The following CTNNBL1 variants were observed in gnomAD, a reference collection of about 807,000 sequenced individuals.
CTNNBL1 encodes the protein catenin beta like 1.
In CTNNBL1, 31 loss-of-function variants were observed where a neutral mutation model predicts 72.7. The observed-to-expected ratio is 0.43, with a 90% confidence interval of 0.32 to 0.58. The LOEUF is 0.58. Among genes scored for constraint, CTNNBL1 ranks in the 20% least tolerant of loss-of-function variants. The pLI, the probability that CTNNBL1 is intolerant of heterozygous loss-of-function variation, is 0.08. For synonymous variants in CTNNBL1, 240 were observed against 267.3 expected (o/e 0.90, Z 1.00); for missense variants, 534 against 725.1 (o/e 0.74, Z 3.03).
chr20:37,804,978 C>T (rs1332477910), intron 11 of CTNNBL1, among the ~76,000 whole-genome samples: 3 of 152,196 alleles, frequency 2.0e-5, no homozygotes, highest in South Asian at 2.1e-4. Flanking sequence ...GCATCCTGAG[C>T]GGACCAGTAC....
At chr20:37,772,718 G>A (rs1746237448) in intron 7 of CTNNBL1, among the ~76,000 whole-genome samples, 1 of 152,174 alleles carries the variant, frequency 6.6e-6, no homozygotes, top group African/African-American at 2.4e-5. Flanking sequence ...AGGTTCTAGA[G>A]TAATTATGTC....
intron 4 of CTNNBL1, among the ~76,000 whole-genome samples, 167 bp from the exon 5 acceptor site, chr20:37,757,392 G>A (rs1171640103): frequency 6.6e-6 from 1 of 152,206 alleles, no homozygotes; most frequent in Non-Finnish European, 1.5e-5. Context: ...AACATTTAAT[G>A]AACACCTGCT....
chr20:37,842,555 G>A (rs2122818320), intron 13 of CTNNBL1, 136 bp downstream of exon 13: 4 of 669,766 alleles, frequency 6.0e-6, no homozygotes, highest in Non-Finnish European at 8.2e-6. Context: ...AGCAGATGAT[G>A]GTCTGCCAAG....
chr20:37,784,090 C>A (rs187227391), intron 10 of CTNNBL1, among the ~76,000 whole-genome samples: 1 of 152,080 alleles, frequency 6.6e-6, no homozygotes, highest in Non-Finnish European at 1.5e-5. Context: ...GTCCCTTTAC[C>A]GTTATGTAAT....
rs188208768 is a variant in CTNNBL1 at position 37,814,747 on chromosome 20, C to T, written c.1213+11699C>T. 8.3e-4 allele frequency among the ~76,000 whole-genome samples: 127 copies of T among 152,110 alleles called. 1 individual carries two copies. The highest frequency in any genetic ancestry group is 5.9e-3 in the Admixed American group (90 of 15,270). ...AAAGACAATAATGAAAGAAAAAAAA[C>T]GGAGTAGGGGCTCTGGATTCTGTTG... is the stretch of plus-strand genomic sequence containing the variant. On this transcript the variant is annotated intron_variant, in intron 11 of 15. Coordinates refer to ENST00000361383, the MANE Select transcript of CTNNBL1 (RefSeq NM_030877.5).
chr20:37,753,579 G>A (rs2073338272), intron 4 of CTNNBL1, among the ~76,000 whole-genome samples: 1 of 152,164 alleles, frequency 6.6e-6, no homozygotes, highest in African/African-American at 2.4e-5. Flanking sequence ...ATTGTGACCC[G>A]GAAAGGGGGG....
chr20:37,778,952 A>G (rs922187636), intron 9 of CTNNBL1, among the ~76,000 whole-genome samples: 2 of 151,002 alleles, frequency 1.3e-5, no homozygotes, highest in Non-Finnish European at 2.9e-5. Context: ...GGAACTGTCA[A>G]TTACTGATGG....
At chr20:37,822,037 T>G (rs1161865667) in intron 11 of CTNNBL1, among the ~76,000 whole-genome samples, 5 of 152,160 alleles carry the variant, frequency 3.3e-5, no homozygotes. Flanking sequence ...AATAGACAGT[T>G]GGGGAAACTA....
At chr20:37,757,468 A>G in intron 4 of CTNNBL1, 91 bp from the exon 5 acceptor site, 1 of 817,720 alleles carries the variant, frequency 1.2e-6, no homozygotes, top group Non-Finnish European at 2.0e-6. Flanking sequence ...ATGGTGATAA[A>G]GCAATTGATG....
intron 3 of CTNNBL1, among the ~76,000 whole-genome samples, chr20:37,738,794 G>A (rs907194689): frequency 7.2e-5 from 11 of 152,160 alleles, no homozygotes; most frequent in Non-Finnish European, 1.0e-4. Context: ...TTTATTAGGC[G>A]GAAAAGAACA....
At chr20:37,790,469 G>A (rs528321698) in intron 10 of CTNNBL1, among the ~76,000 whole-genome samples, 13 of 152,308 alleles carry the variant, frequency 8.5e-5, no homozygotes, top group Non-Finnish European at 1.5e-4. Flanking sequence ...GTTCCAAGCT[G>A]CACATGCAGA....
intron 4 of CTNNBL1, among the ~76,000 whole-genome samples, chr20:37,755,031 T>C (rs2073351907): frequency 6.6e-6 from 1 of 152,164 alleles, no homozygotes; most frequent in Non-Finnish European, 1.5e-5. Context: ...GGTCTTGAAC[T>C]CCTGACCTCA....
intron 10 of CTNNBL1, among the ~76,000 whole-genome samples, chr20:37,790,481 C>G (rs2073714710): frequency 6.6e-6 from 1 of 152,202 alleles, no homozygotes; most frequent in South Asian, 2.1e-4. Flanking sequence ...ACATGCAGAT[C>G]TTGCTTGTTT....
chr20:37,847,230 A>G (rs945442738), intron 13 of CTNNBL1, among the ~76,000 whole-genome samples: 37 of 152,362 alleles, frequency 2.4e-4, no homozygotes, highest in African/African-American at 8.9e-4. Flanking sequence ...AAGAATCAAC[A>G]GGACTGATAG....
chr20:37,733,390 C>A (rs2073146549), intron 2 of CTNNBL1, among the ~76,000 whole-genome samples: 1 of 152,048 alleles, frequency 6.6e-6, no homozygotes, highest in Admixed American at 6.6e-5. Flanking sequence ...CAAATTTCAC[C>A]AAGTGGAAGG....
intron 10 of CTNNBL1, among the ~76,000 whole-genome samples, chr20:37,800,569 A>G (rs1387210676): frequency 1.3e-5 from 2 of 152,082 alleles, no homozygotes; most frequent in South Asian, 2.1e-4. Context: ...CACTGTACTT[A>G]TTATTTTGTT....
At chr20:37,727,599 G>A (rs952330754) in intron 1 of CTNNBL1, among the ~76,000 whole-genome samples, 5 of 152,242 alleles carry the variant, frequency 3.3e-5, no homozygotes, top group African/African-American at 4.8e-5. Flanking sequence ...AGCAGAGGCA[G>A]AGAAATGACT....
intron 13 of CTNNBL1, among the ~76,000 whole-genome samples, chr20:37,857,288 C>T (rs1464390767): frequency 1.3e-5 from 2 of 152,208 alleles, no homozygotes; most frequent in Non-Finnish European, 2.9e-5. Context: ...AATGAATTTG[C>T]TACTAAATGA....
At chr20:37,803,936 C>T (rs936395758) in intron 11 of CTNNBL1, among the ~76,000 whole-genome samples, 15 of 151,772 alleles carry the variant, frequency 9.9e-5, no homozygotes, top group African/African-American at 1.5e-4. Context: ...TCCTCATAGA[C>T]GAAAGTTTGA....
Sources: gnomAD v4.1 joint callset for allele counts (sites outside exome capture counted in the v4.1 genomes callset) on GRCh38, gnomAD v4.1.1 for gene constraint, MANE v1.5 for transcripts, NCBI Gene and HGNC (gene_info 2026-07-23, HGNC 2026-07-21) for gene names.